The following SPEN variants were observed in gnomAD, a reference collection of about 807,000 sequenced individuals.
The protein encoded by SPEN is msx2-interacting protein.
A neutral mutation model predicts 269.9 loss-of-function variants in SPEN; 18 were observed. The ratio of observed to expected loss-of-function variants is 0.07; its 90% CI spans 0.05 to 0.10. SPEN has a LOEUF of 0.10. Ranked by LOEUF, SPEN falls within the 10% of genes least tolerant of loss-of-function variation. SPEN has a pLI of 1.00. For synonymous variants in SPEN, 1,726 were observed against 1,765.7 expected, an observed-to-expected ratio of 0.98 and a Z score of 0.56; for missense variants, 3,822 against 4,631.2, an observed-to-expected ratio of 0.83 and a Z score of 5.07.
At chr1:15,900,629 C>A (rs1410592202) in intron 3 of SPEN, among the ~76,000 whole-genome samples, 1 of 152,016 alleles carries the variant, frequency 6.6e-6, no homozygotes, top group Non-Finnish European at 1.5e-5. Context: ...TTTTTTCTTA[C>A]AATTCAAAGA....
At chr1:15,924,002 G>C (rs1407314828) in intron 10 of SPEN, among the ~76,000 whole-genome samples, 1 of 151,986 alleles carries the variant, frequency 6.6e-6, no homozygotes, top group African/African-American at 2.4e-5. Flanking sequence ...TGCTCCCTAC[G>C]GCCAAATTCT....
In SPEN at chr1:15,876,104, C is replaced by G. The variant is rs143651786; in HGVS notation, c.405-98C>G. 4.3e-5 allele frequency: 39 copies of G among 915,814 alleles called. No individual in the cohort carries two copies. In the African/African-American group the frequency reaches 5.1e-4, roughly 12 times the overall value. The allele number at this position is 915,814 out of a possible 1,614,324, so 56.7% of individuals were successfully genotyped here. On this transcript the variant is annotated intron_variant, in intron 2 of 14. Transcript: ENST00000375759. ...ATGCTGTTTAGAAAATGACCAGTTGCAAAGACAAAGACAATGCTGAAGTGA... is the reference window on the plus strand; with the variant it reads ...ATGCTGTTTAGAAAATGACCAGTTGGAAAGACAAAGACAATGCTGAAGTGA...
At chr1:15,908,729 T>C (rs2070984888) in intron 3 of SPEN, among the ~76,000 whole-genome samples, 1 of 152,222 alleles carries the variant, frequency 6.6e-6, no homozygotes, top group Admixed American at 6.5e-5. Flanking sequence ...TATTTAATTC[T>C]TAACCCTGTG....
intron 3 of SPEN, among the ~76,000 whole-genome samples, chr1:15,887,739 C>T (rs2070750087): frequency 6.6e-6 from 1 of 150,858 alleles, no homozygotes; most frequent in Non-Finnish European, 1.5e-5. Context: ...AAAAACAAGT[C>T]CTTCAGGTAC....
At chr1:15,869,534 C>T (rs1261365017) in intron 1 of SPEN, among the ~76,000 whole-genome samples, 1 of 152,014 alleles carries the variant, frequency 6.6e-6, no homozygotes. Context: ...TGATTTTAAT[C>T]TTTTTATAAT....
intron 1 of SPEN, among the ~76,000 whole-genome samples, chr1:15,852,517 TC>T (rs753220324): frequency 5.9e-5 from 9 of 152,150 alleles, no homozygotes; most frequent in Non-Finnish European, 1.3e-4. Flanking sequence ...GGGTTTTATT[TC>T]CCAAAAGGAA....
In SPEN at chr1:15,891,786, G is replaced by A. The variant is rs559014569; in HGVS notation, c.881+15108G>A. ...ATTACATGCATGAGCCGCTGTACCT[G>A]GGCTAATATAAAAACCATTAAGAAA... On this transcript the variant is annotated intron_variant, in intron 3 of 14. Transcript: ENST00000375759. Among the ~76,000 whole-genome samples the A allele has an allele frequency of 3.6e-4, 54 of 151,856 alleles. 1 individual carries two copies. In the South Asian group the frequency reaches 0.011, roughly 32 times the overall value.
chr1:15,932,000 C>G lies in SPEN; in HGVS notation c.5760C>G (p.Val1920=). The change falls in exon 11 of 15, where the codon GTC becomes GTG. Residue 1920 remains valine (V), a synonymous_variant. Transcript: ENST00000375759. The surrounding 1 kb of genome is among the most constrained non-coding windows in gnomAD (Gnocchi z 4.8). ...GTGACCATGAAAACCGCTCTCCTGT[C>G]AAAGAGCCCGTTGAGCAACCAAGAG... ...TMGDHENRSP[V]KEPVEQPRVT... is the part of the protein sequence containing the mutation. 6.2e-7 allele frequency: 1 copy of G among 1,614,212 alleles called. No homozygotes were observed. Among genetic ancestry groups the G allele is most frequent in the Non-Finnish European group, 8.5e-7 (1 of 1,180,038 alleles).
rs369922115 is a variant in SPEN, at chr1:15,939,469, C to A, written c.*42C>A. 1.7e-5 allele frequency: 25 copies of A among 1,500,140 alleles called. No individual in the cohort carries two copies. Among genetic ancestry groups the A allele is most frequent in the Non-Finnish European group, 2.0e-5 (22 of 1,119,202 alleles). 92.9% of individuals were successfully genotyped at this position (1,500,140 alleles called of 1,614,324 possible). A position where few individuals can be genotyped will look rare whatever the true frequency, so the allele number is the denominator to read the frequency against. On this transcript the variant is annotated 3_prime_UTR_variant, in exon 15 of 15. Transcript: ENST00000375759. The surrounding 1 kb of genome is among the most constrained non-coding windows in gnomAD (Gnocchi z 4.1). ...CACCTCAGTGAATCTTCCCAGGGCT[C>A]TGCAGTAAAAACAAAGGACAACCCA...
In SPEN at chr1:15,927,529, T is replaced by A. The variant is rs188720953; in HGVS notation, c.1851-562T>A. On this transcript the variant is annotated intron_variant, in intron 10 of 14. Coordinates refer to ENST00000375759, the MANE Select transcript of SPEN (RefSeq NM_015001.3). ...GGCAAAATTTTAGTTAAAATTTTTA[T>A]CTGTTTTTCTAAACAGTGGATTTAT... Among the ~76,000 whole-genome samples the A allele has an allele frequency of 2.2e-4, 33 of 152,324 alleles. No homozygotes were observed. In the East Asian group the frequency reaches 5.8e-3, roughly 27 times the overall value.
chr1:15,870,716 C>T (rs2070564478), intron 1 of SPEN, among the ~76,000 whole-genome samples: 1 of 148,816 alleles, frequency 6.7e-6, no homozygotes, highest in African/African-American at 2.5e-5. Context: ...CTATTGATAG[C>T]CTAGCCAATA....
chr1:15,924,877 G>A (rs1425442412), intron 10 of SPEN, among the ~76,000 whole-genome samples: 1 of 152,204 alleles, frequency 6.6e-6, no homozygotes, highest in African/African-American at 2.4e-5. Context: ...ACGCAGGAGG[G>A]TGTGGGACTT....
rs776343165 is a variant in SPEN, at chr1:15,935,098, T to C, written c.8858T>C (p.Ile2953Thr). 6.2e-7 allele frequency: 1 copy of C among 1,613,750 alleles called. No homozygotes were observed. Among genetic ancestry groups the C allele is most frequent in the Non-Finnish European group, 8.5e-7 (1 of 1,179,906 alleles). Reference protein sequence around the residue: ...VHNQLVLTPSIVTTNKKLADP... With the variant: ...VHNQLVLTPSTVTTNKKLADP... Reference sequence around the variant, plus strand: ...AACCAGCTGGTCCTCACCCCAAGCATTGTCACCACAAACAAGAAGCTTGCT... The same window carrying C: ...AACCAGCTGGTCCTCACCCCAAGCACTGTCACCACAAACAAGAAGCTTGCT... Residue 2953 changes from isoleucine to threonine, a missense_variant, in exon 11 of 15, where the codon ATT becomes ACT. Physicochemically the swap from Ile to Thr is moderately conservative, Grantham distance 89 (BLOSUM62 -1). This residue lies in a region of SPEN where 20 missense variants were observed against 60.7 expected (regional missense o/e 0.33). Transcript: ENST00000375759. The surrounding 1 kb of genome is among the most constrained non-coding windows in gnomAD (Gnocchi z 7.7).
rs1241804668 is a variant in SPEN, at chr1:15,932,986, C to T, written c.6746C>T (p.Pro2249Leu). 3 of 1,614,182 alleles carry T rather than the reference C, an allele frequency of 1.9e-6. No homozygotes were observed. The highest frequency in any genetic ancestry group is 2.7e-5 in the African/African-American group (2 of 75,050). The change falls in exon 11 of 15, where the codon CCC (proline) becomes CTC (leucine). Residue 2249 changes from proline (P) to leucine (L), a missense_variant. Pro to Leu is a moderately conservative substitution (Grantham distance 98, BLOSUM62 -3). This residue lies in a region of SPEN where 727 missense variants were observed against 737.9 expected (regional missense o/e 0.99). Transcript: ENST00000375759. This position sits in a 1 kb window ranked among gnomAD's most constrained non-coding sequence, Gnocchi z 4.2. ...GGAGAATCCCAGACAGATCTGCAAC[C>T]CCCCGCAGGTGCACAGGCGCTGCAG... Reference protein sequence around the residue: ...YPGESQTDLQPPAGAQALQPS... With the variant: ...YPGESQTDLQLPAGAQALQPS...
intron 10 of SPEN, among the ~76,000 whole-genome samples, chr1:15,926,378 T>TAC (rs1430017472): frequency 3.5e-5 from 5 of 143,476 alleles, no homozygotes; most frequent in African/African-American, 8.0e-5. Flanking sequence ...AGCTCAGATA[T>TAC]ATACATACAC....
At chr1:15,925,395 G>C (rs955296181) in intron 10 of SPEN, among the ~76,000 whole-genome samples, 2 of 152,122 alleles carry the variant, frequency 1.3e-5, no homozygotes, top group East Asian at 3.8e-4. Flanking sequence ...CCCCGTACAT[G>C]GTCCAAGTGC....
chr1:15,848,210 C>G lies in SPEN; in HGVS notation c.83+60C>G, dbSNP rs1254470683. The G allele has an allele frequency of 8.1e-5, 101 of 1,245,148 alleles. No individual in the cohort carries two copies. Among genetic ancestry groups the G allele is most frequent in the Non-Finnish European group, 1.1e-4 (99 of 922,156 alleles). The allele number at this position is 1,245,148 out of a possible 1,614,324, so 77.1% of individuals were successfully genotyped here. A position where few individuals can be genotyped will look rare whatever the true frequency, so the allele number is the denominator to read the frequency against. ...CTCGGGCGCCGCTTCCCGCCCCGGCCCGTTGCCGGCCCCTCCCGGAGCGCG... is the reference window on the plus strand; with the variant it reads ...CTCGGGCGCCGCTTCCCGCCCCGGCGCGTTGCCGGCCCCTCCCGGAGCGCG... On this transcript the variant is annotated intron_variant, in intron 1 of 14. Transcript: ENST00000375759. The surrounding 1 kb of genome is among the most constrained non-coding windows in gnomAD (Gnocchi z 5.1).
At chr1:15,853,119 T>C (rs1208982620) in intron 1 of SPEN, among the ~76,000 whole-genome samples, 1 of 152,240 alleles carries the variant, frequency 6.6e-6, no homozygotes, top group Non-Finnish European at 1.5e-5. Context: ...CCCAGAGTGC[T>C]GGGATTATAG....
At chr1:15,903,597 A>G (rs183385817) in intron 3 of SPEN, among the ~76,000 whole-genome samples, 1 of 152,108 alleles carries the variant, frequency 6.6e-6, no homozygotes, top group Non-Finnish European at 1.5e-5. Flanking sequence ...GCTGGTCTCA[A>G]ACTCCTGGGC....
Sources: gnomAD v4.1 joint callset for allele counts (sites outside exome capture counted in the v4.1 genomes callset) on GRCh38, gnomAD v4.1.1 for gene constraint, gnomAD v4.1.1 regional missense constraint, Gnocchi (gnomAD v3.1) non-coding constraint, MANE v1.5 for transcripts, NCBI Gene and HGNC (gene_info 2026-07-23, HGNC 2026-07-21) for gene names.